Variants in OPCML observed in about 807,000 individuals in gnomAD.
OPCML encodes opioid-binding protein/cell adhesion molecule.
Under a neutral mutation model 37.8 loss-of-function variants are expected in OPCML, and 13 were observed. The ratio of observed to expected loss-of-function variants is 0.34; its 90% CI spans 0.22 to 0.55. The LOEUF (loss-of-function observed/expected upper bound fraction) is 0.55. OPCML is among the 20% of genes least tolerant of loss of function. OPCML has a pLI of 0.91. For synonymous variants in OPCML, 176 were observed against 168.8 expected, an observed-to-expected ratio of 1.04 and a Z score of -0.33; for missense variants, 341 against 435.6, an observed-to-expected ratio of 0.78 and a Z score of 1.93.
chr11:132,596,537 C>A (rs1321382036), intron 3 of OPCML, among the ~76,000 whole-genome samples: 2 of 152,072 alleles, frequency 1.3e-5, no homozygotes, highest in Non-Finnish European at 2.9e-5. Context: ...CACCCCTAGA[C>A]CCCAAGGACT....
chr11:132,800,254 TG>T (rs1275008161), intron 2 of OPCML, among the ~76,000 whole-genome samples: 1 of 152,212 alleles, frequency 6.6e-6, no homozygotes, highest in Non-Finnish European at 1.5e-5. Context: ...ATTTACATAT[TG>T]ACTTATCCTG....
chr11:132,612,084 C>A (rs1309869973), intron 3 of OPCML, among the ~76,000 whole-genome samples: 1 of 152,054 alleles, frequency 6.6e-6, no homozygotes, highest in Non-Finnish European at 1.5e-5. Context: ...AGTATGGTAA[C>A]CAGGTTTTTA....
At chr11:132,558,717 A>G (rs1267240046) in intron 3 of OPCML, among the ~76,000 whole-genome samples, 2 of 151,792 alleles carry the variant, frequency 1.3e-5, no homozygotes, top group Non-Finnish European at 2.9e-5. Flanking sequence ...TGATCTAACC[A>G]TAAGTGATCA....
chr11:132,463,064 G>A (rs2096108150), intron 4 of OPCML, among the ~76,000 whole-genome samples: 1 of 152,178 alleles, frequency 6.6e-6, no homozygotes, highest in Admixed American at 6.5e-5. Context: ...TTATCCAATA[G>A]TGAAGCCAGA....
At chr11:133,430,065 T>G (rs1349417643) in intron 1 of OPCML, among the ~76,000 whole-genome samples, 13 of 151,982 alleles carry the variant, frequency 8.6e-5, no homozygotes, top group Non-Finnish European at 7.4e-5. Flanking sequence ...AGGAGAGAAT[T>G]GCCAGTGAGG....
chr11:133,326,934 G>A (rs974699043), intron 1 of OPCML, among the ~76,000 whole-genome samples: 3 of 147,754 alleles, frequency 2.0e-5, no homozygotes, highest in African/African-American at 5.0e-5. Flanking sequence ...TGTGTGTGTG[G>A]GGCGTGGGTG....
intron 3 of OPCML, among the ~76,000 whole-genome samples, chr11:132,592,881 C>T (rs1389583679): frequency 6.6e-6 from 1 of 152,190 alleles, no homozygotes; most frequent in Non-Finnish European, 1.5e-5. Flanking sequence ...ATTTATTCAT[C>T]TAACAGTTAC....
chr11:133,086,017 A>T (rs1227684415), intron 1 of OPCML, among the ~76,000 whole-genome samples: 1 of 152,240 alleles, frequency 6.6e-6, no homozygotes, highest in Non-Finnish European at 1.5e-5. Flanking sequence ...GAGAAAATAG[A>T]GGACAGTTAA....
chr11:133,322,170 TC>T (rs1943345356), intron 1 of OPCML, among the ~76,000 whole-genome samples: 3 of 152,186 alleles, frequency 2.0e-5, no homozygotes, highest in Admixed American at 1.3e-4. Context: ...TCTTTCTTAC[TC>T]AGCATTTGAA....
intron 1 of OPCML, among the ~76,000 whole-genome samples, chr11:133,115,048 C>T (rs1219908179): frequency 6.6e-6 from 1 of 152,126 alleles, no homozygotes; most frequent in Non-Finnish European, 1.5e-5. Flanking sequence ...TTAAATTCTG[C>T]TTATAAATTA....
intron 1 of OPCML, chr11:133,420,434 A>G: frequency 1.0e-6 from 1 of 985,296 alleles, no homozygotes; most frequent in Non-Finnish European, 1.2e-6. Context: ...GTTGAATTTC[A>G]GTTTGTTTTC....
At chr11:132,567,282 C>T (rs1242660665) in intron 3 of OPCML, among the ~76,000 whole-genome samples, 1 of 152,186 alleles carries the variant, frequency 6.6e-6, no homozygotes, top group Admixed American at 6.5e-5. Flanking sequence ...CTCATCATTG[C>T]AATCAGCTGA....
intron 1 of OPCML, among the ~76,000 whole-genome samples, chr11:133,112,115 A>G (rs993756941): frequency 7.9e-5 from 12 of 152,062 alleles, no homozygotes; most frequent in African/African-American, 2.9e-4. Flanking sequence ...TTATTATCCT[A>G]CTTTGGATAT....
chr11:133,247,540 T>TTTTCTTTCTTTCCTTCTTTC (rs1940972974), intron 1 of OPCML, among the ~76,000 whole-genome samples: 1 of 122,408 alleles, frequency 8.2e-6, no homozygotes, highest in South Asian at 3.0e-4. Context: ...CTTTCCTTCT[T>TTTTCTTTCTTTCCTTCTTTC]TTTCTTTCTT....
chr11:133,513,427 G>A (rs1431974670), intron 1 of OPCML, among the ~76,000 whole-genome samples: 1 of 152,148 alleles, frequency 6.6e-6, no homozygotes, highest in Non-Finnish European at 1.5e-5. Flanking sequence ...CCTGTCTCCT[G>A]TTTCCCAGCC....
chr11:132,767,102 T>C (rs1282331360), intron 2 of OPCML, among the ~76,000 whole-genome samples: 2 of 152,184 alleles, frequency 1.3e-5, no homozygotes, highest in Admixed American at 6.5e-5. Context: ...ATATTAACAG[T>C]AGGCAAATCT....
At chr11:132,533,778 C>T (rs376250258) in intron 3 of OPCML, among the ~76,000 whole-genome samples, 1 of 152,114 alleles carries the variant, frequency 6.6e-6, no homozygotes, top group African/African-American at 2.4e-5. Flanking sequence ...CATTCCCACA[C>T]CTATGCCATC....
At chr11:133,317,848 C>A (rs1943241544) in intron 1 of OPCML, among the ~76,000 whole-genome samples, 1 of 152,168 alleles carries the variant, frequency 6.6e-6, no homozygotes. Flanking sequence ...AGCGTGTTAG[C>A]CTCAAATTGT....
intron 2 of OPCML, among the ~76,000 whole-genome samples, chr11:132,828,162 A>G (rs2136270957): frequency 6.6e-6 from 1 of 152,324 alleles, no homozygotes; most frequent in Non-Finnish European, 1.5e-5. Context: ...CATATACTAT[A>G]TAGTCCCAAC....
Sources: allele counts gnomAD v4.1 joint callset (sites outside exome capture counted in the v4.1 genomes callset), GRCh38; gene constraint gnomAD v4.1.1; transcripts MANE v1.5; gene names NCBI Gene and HGNC (gene_info 2026-07-23, HGNC 2026-07-21).